BMAL1: variants seen among roughly 807,000 people sequenced by gnomAD.
BMAL1 encodes the protein basic helix-loop-helix ARNT-like protein 1.
At chr11:13,322,087 G>A in the BMAL1 span, among the ~76,000 whole-genome samples, 215 of 152,282 alleles carry the variant, frequency 1.4e-3, no homozygotes, top group African/African-American at 4.9e-3. Flanking sequence ...CCTGGCTCCT[G>A]TACTTCCCAG....
the BMAL1 span, chr11:13,385,828 C>A: frequency 6.8e-7 from 1 of 1,471,314 alleles, no homozygotes; most frequent in Non-Finnish European, 9.5e-7. Context: ...TTGCAATGAG[C>A]TTGCAAAACA....
chr11:13,326,912 C>T, the BMAL1 span, among the ~76,000 whole-genome samples: 6 of 151,872 alleles, frequency 4.0e-5, no homozygotes, highest in East Asian at 2.0e-4. Context: ...CTCTGCTTCC[C>T]GGGTTCACGC....
At chr11:13,293,550 G>A in the BMAL1 span, among the ~76,000 whole-genome samples, 14 of 152,334 alleles carry the variant, frequency 9.2e-5, no homozygotes, top group African/African-American at 3.4e-4. Context: ...TGAATGAAGT[G>A]TGAACTATTA....
chr11:13,366,897 T>C, the BMAL1 span: 1 of 635,600 alleles, frequency 1.6e-6, no homozygotes, highest in East Asian at 3.0e-5. Flanking sequence ...CCTACTTCTC[T>C]GTCCTCTTTC....
At chr11:13,345,263 C>T in the BMAL1 span, among the ~76,000 whole-genome samples, 11 of 152,350 alleles carry the variant, frequency 7.2e-5, no homozygotes, top group African/African-American at 9.6e-5. Context: ...TCTTTTACAA[C>T]ACTTGTTTAC....
At chr11:13,311,274 C>T in the BMAL1 span, among the ~76,000 whole-genome samples, 3 of 152,308 alleles carry the variant, frequency 2.0e-5, no homozygotes, top group African/African-American at 4.8e-5. Flanking sequence ...GGATTAAACA[C>T]GGTCTCCCCA....
At chr11:13,338,913 G>T in the BMAL1 span, among the ~76,000 whole-genome samples, 1 of 152,244 alleles carries the variant, frequency 6.6e-6, no homozygotes, top group African/African-American at 2.4e-5. Flanking sequence ...GCAGGTGACT[G>T]CTCTGTTTCA....
At chr11:13,370,403 T>C in the BMAL1 span, among the ~76,000 whole-genome samples, 1 of 152,324 alleles carries the variant, frequency 6.6e-6, no homozygotes, top group African/African-American at 2.4e-5. Flanking sequence ...TACTGCTTAC[T>C]AAATCAACCT....
At chr11:13,285,247 A>ATGGTTAAT in the BMAL1 span, among the ~76,000 whole-genome samples, 3 of 152,152 alleles carry the variant, frequency 2.0e-5, no homozygotes, top group East Asian at 5.8e-4. Context: ...TAATTGTTTC[A>ATGGTTAAT]TGGTTAATTA....
At chr11:13,331,105 G>C in the BMAL1 span, among the ~76,000 whole-genome samples, 1 of 152,206 alleles carries the variant, frequency 6.6e-6, no homozygotes, top group South Asian at 2.1e-4. Flanking sequence ...GTGCCCTGCT[G>C]TGCTCACTGG....
the BMAL1 span, among the ~76,000 whole-genome samples, chr11:13,331,255 G>A: frequency 2.0e-5 from 3 of 152,368 alleles, no homozygotes; most frequent in Admixed American, 6.5e-5. Context: ...TAGAGAAAAT[G>A]AGAGTGGGGA....
chr11:13,385,765 C>T, the BMAL1 span: 2 of 1,612,942 alleles, frequency 1.2e-6, no homozygotes, highest in Non-Finnish European at 1.7e-6. Context: ...CCAGGTTATC[C>T]ATATTCTGAT....
At chr11:13,281,665 A>C in the BMAL1 span, among the ~76,000 whole-genome samples, 1 of 151,926 alleles carries the variant, frequency 6.6e-6, no homozygotes, top group Non-Finnish European at 1.5e-5. Context: ...ACGTGCCATC[A>C]CACCTGGCTC....
the BMAL1 span, among the ~76,000 whole-genome samples, chr11:13,366,055 G>T: frequency 1.3e-5 from 2 of 152,086 alleles, no homozygotes; most frequent in Non-Finnish European, 2.9e-5. Context: ...ATTTATAAAC[G>T]CTTCTAGAAC....
At chr11:13,308,929 A>C in the BMAL1 span, among the ~76,000 whole-genome samples, 2 of 152,066 alleles carry the variant, frequency 1.3e-5, no homozygotes, top group Non-Finnish European at 2.9e-5. Context: ...GGAGGAGGGA[A>C]GAGAGAGTTG....
the BMAL1 span, among the ~76,000 whole-genome samples, chr11:13,352,976 G>A: frequency 2.0e-5 from 3 of 152,238 alleles, no homozygotes; most frequent in African/African-American, 7.2e-5. Context: ...TCAAGGGCCG[G>A]TTTGCTTAAT....
At chr11:13,331,070 G>A in the BMAL1 span, among the ~76,000 whole-genome samples, 2 of 152,116 alleles carry the variant, frequency 1.3e-5, no homozygotes, top group Admixed American at 6.5e-5. Flanking sequence ...GGGCTGGGGC[G>A]GCAGTCTCTG....
At chr11:13,375,953 T>C in the BMAL1 span, among the ~76,000 whole-genome samples, 2 of 152,186 alleles carry the variant, frequency 1.3e-5, no homozygotes, top group African/African-American at 4.8e-5. Flanking sequence ...TCAGGACTTG[T>C]ACCATGCAGG....
At chr11:13,384,672 T>C in the BMAL1 span, among the ~76,000 whole-genome samples, 16 of 152,332 alleles carry the variant, frequency 1.1e-4, no homozygotes, top group Middle Eastern at 3.4e-3. Flanking sequence ...TGGAAAAACA[T>C]ATATGAGAAT....
Sources: gnomAD v4.1 joint callset for allele counts (sites outside exome capture counted in the v4.1 genomes callset) on GRCh38, gnomAD v4.1.1 for gene constraint, MANE v1.5 for transcripts, NCBI Gene and HGNC (gene_info 2026-07-23, HGNC 2026-07-21) for gene names.